SLC5A1: variants seen among roughly 807,000 people sequenced by gnomAD.
SLC5A1 encodes the protein solute carrier family 5 member 1.
A neutral mutation model predicts 73.5 loss-of-function variants in SLC5A1; 42 were observed. That is an observed-to-expected ratio of 0.57 (90% confidence interval 0.45 to 0.74). The LOEUF is 0.74. SLC5A1 is among the 30% of genes least tolerant of loss of function. SLC5A1 has a pLI of 0.00. For missense variants in SLC5A1, 634 were observed against 855.4 expected, an observed-to-expected ratio of 0.74 and a Z score of 3.23; for synonymous variants, 300 against 317.4, an observed-to-expected ratio of 0.95 and a Z score of 0.58.
intron 2 of SLC5A1, among the ~76,000 whole-genome samples, chr22:32,060,549 C>T (rs1224620123): frequency 6.6e-6 from 1 of 152,052 alleles, no homozygotes; most frequent in Non-Finnish European, 1.5e-5. Context: ...GAGAGAGCCT[C>T]TTTCACTTTT....
chr22:32,081,567 C>T (rs1226836771), intron 5 of SLC5A1, among the ~76,000 whole-genome samples: 1 of 152,146 alleles, frequency 6.6e-6, no homozygotes, highest in African/African-American at 2.4e-5. Flanking sequence ...ATAGCTGTTC[C>T]TTGGCAAAAA....
chr22:32,072,162 C>T (rs1399328493), intron 5 of SLC5A1, among the ~76,000 whole-genome samples: 1 of 151,910 alleles, frequency 6.6e-6, no homozygotes, highest in African/African-American at 2.4e-5. Flanking sequence ...ATTTTGTCAC[C>T]CAGGTAATAA....
At chr22:32,061,539 G>A (rs966427873) in intron 2 of SLC5A1, among the ~76,000 whole-genome samples, 2 of 152,222 alleles carry the variant, frequency 1.3e-5, no homozygotes, top group African/African-American at 4.8e-5. Context: ...AGGGACTAAA[G>A]TAAAAAGAAT....
At chr22:32,072,453 A>G (rs1208517908) in intron 5 of SLC5A1, among the ~76,000 whole-genome samples, 1 of 152,174 alleles carries the variant, frequency 6.6e-6, no homozygotes, top group African/African-American at 2.4e-5. Flanking sequence ...TTCTTTATTC[A>G]GTCCACCACT....
intron 2 of SLC5A1, among the ~76,000 whole-genome samples, chr22:32,064,792 G>C (rs2093969893): frequency 6.6e-6 from 1 of 152,094 alleles, no homozygotes; most frequent in Non-Finnish European, 1.5e-5. Flanking sequence ...TCTCACCTAA[G>C]CCAGGGATAG....
chr22:32,091,343 C>CA (rs2094017275), intron 10 of SLC5A1, among the ~76,000 whole-genome samples: 3 of 142,640 alleles, frequency 2.1e-5, no homozygotes, highest in Admixed American at 2.1e-4. Flanking sequence ...ACACACACAC[C>CA]CCACCACCTT....
chr22:32,099,537 G>C (rs929473502), intron 12 of SLC5A1, among the ~76,000 whole-genome samples, 186 bp downstream of exon 12: 1 of 151,276 alleles, frequency 6.6e-6, no homozygotes, highest in African/African-American at 2.4e-5. Context: ...GAGCTCCTCG[G>C]GAGTTGGTAT....
chr22:32,043,356 T>C lies in SLC5A1; in HGVS notation c.75T>C (p.Asn25=), dbSNP rs201331252. 1.2e-6 allele frequency: 2 copies of C among 1,614,036 alleles called. No homozygotes were observed. The highest frequency in any genetic ancestry group is 1.7e-6 in the Non-Finnish European group (2 of 1,180,002). Residue 25 remains asparagine (N), a synonymous_variant, in exon 1 of 15, where the codon AAT becomes AAC. Transcript: ENST00000266088. The surrounding 1 kb of genome is among the most constrained non-coding windows in gnomAD (Gnocchi z 6.5). ...TTGAGACCCACGAGCTCATTCGCAATGCAGCCGATATCTCCATCATCGTTA... is the reference window on the plus strand; with the variant it reads ...TTGAGACCCACGAGCTCATTCGCAACGCAGCCGATATCTCCATCATCGTTA... ...RPVETHELIR[N]AADISIIVIY...
intron 5 of SLC5A1, among the ~76,000 whole-genome samples, chr22:32,068,819 G>A (rs531088384): frequency 6.6e-5 from 10 of 152,078 alleles, no homozygotes; most frequent in Non-Finnish European, 1.2e-4. Context: ...AACACAAACA[G>A]GTTTGTGAAG....
chr22:32,052,511 T>A (rs1364812996), intron 2 of SLC5A1, among the ~76,000 whole-genome samples: 1 of 152,052 alleles, frequency 6.6e-6, no homozygotes, highest in African/African-American at 2.4e-5. Context: ...ACCAGGCAAC[T>A]GGACATGAGA....
rs895413017 is a variant in SLC5A1 at position 32,110,959 on chromosome 22, G to A, written c.*746G>A. 6.5e-6 allele frequency: 1 copy of A among 152,936 alleles called. No homozygotes were observed. Among genetic ancestry groups the A allele is most frequent in the African/African-American group, 2.4e-5 (1 of 41,428 alleles). 9.5% of individuals were successfully genotyped at this position (152,936 alleles called of 1,614,324 possible). ...ACTCATTTTGGCATTCACAGTGCCT[G>A]GAATGTCTTAGATTTTCAGCAATGC... On this transcript the variant is annotated 3_prime_UTR_variant, in exon 15 of 15. Transcript: ENST00000266088.
chr22:32,101,851 T>C (rs1807727), intron 12 of SLC5A1, among the ~76,000 whole-genome samples, 171 bp from the exon 13 acceptor site: 10,336 of 152,186 alleles, frequency 0.068, 486 homozygotes, highest in Non-Finnish European at 0.1. Flanking sequence ...TCTGAGTGCA[T>C]AGCACTCCTA....
intron 13 of SLC5A1, among the ~76,000 whole-genome samples, chr22:32,103,843 T>C (rs2094040602): frequency 6.6e-6 from 1 of 152,228 alleles, no homozygotes; most frequent in African/African-American, 2.4e-5. Context: ...TCTTTAACTC[T>C]AGATGCCCCC....
chr22:32,084,673 A>T lies in SLC5A1; in HGVS notation c.885+14A>T, dbSNP rs963083163. On this transcript the variant is annotated intron_variant, in intron 8 of 14. Transcript: ENST00000266088. Reference sequence around the variant, plus strand: ...TGCACAGATCAGGTACCCAAGCTGGATGTGCGGGATGGACAGAGTCTTCTC... The same window carrying T: ...TGCACAGATCAGGTACCCAAGCTGGTTGTGCGGGATGGACAGAGTCTTCTC... 4 of 1,603,962 alleles carry T rather than the reference A, an allele frequency of 2.5e-6. No homozygotes were observed. The African/African-American group carries it at 4.0e-5, about 16-fold the overall frequency.
rs201881581 is a variant in SLC5A1 at position 32,110,057 on chromosome 22, G to A, written c.1839G>A (p.Glu613=). The A allele has an allele frequency of 6.2e-7, 1 of 1,614,030 alleles. No individual in the cohort carries two copies. The highest frequency in any genetic ancestry group is 1.7e-5 in the Admixed American group (1 of 59,992). Residue 613 remains glutamate, a synonymous_variant, in exon 15 of 15, where the codon GAG becomes GAA. Coordinates refer to ENST00000266088, the MANE Select transcript of SLC5A1 (RefSeq NM_000343.4). ...CCTATGACCTATTTTGTGGGCTAGA[G>A]CAGCACGGTGCACCCAAGATGACTG... ...RRAYDLFCGL[E]QHGAPKMTEE...
Position 32,043,505 on chromosome 22 carries a change from A to C in SLC5A1, c.135+89A>C. Reference sequence around the variant, plus strand: ...CTGAGCTGCAAGGGGCAGTAGGCTTAAGTGTCGGTGGAGGGGAGAGGAAAT... The same window carrying C: ...CTGAGCTGCAAGGGGCAGTAGGCTTCAGTGTCGGTGGAGGGGAGAGGAAAT... On this transcript the variant is annotated intron_variant, in intron 1 of 14. Coordinates refer to ENST00000266088, the MANE Select transcript of SLC5A1 (RefSeq NM_000343.4). The surrounding 1 kb of genome is among the most constrained non-coding windows in gnomAD (Gnocchi z 6.5). 7.1e-7 allele frequency: 1 copy of C among 1,412,526 alleles called. No individual in the cohort carries two copies. The highest frequency in any genetic ancestry group is 9.9e-7 in the Non-Finnish European group (1 of 1,011,226). The allele number at this position is 1,412,526 out of a possible 1,614,324, so 87.5% of individuals were successfully genotyped here. A position where few individuals can be genotyped will look rare whatever the true frequency, so the allele number is the denominator to read the frequency against.
chr22:32,096,159 G>A (rs1210185109), intron 11 of SLC5A1, among the ~76,000 whole-genome samples: 1 of 152,122 alleles, frequency 6.6e-6, no homozygotes, highest in Non-Finnish European at 1.5e-5. Flanking sequence ...CATCTGAGTG[G>A]GAGCTACAAT....
At chr22:32,103,529 C>T (rs1214098468) in intron 13 of SLC5A1, among the ~76,000 whole-genome samples, 1 of 152,204 alleles carries the variant, frequency 6.6e-6, no homozygotes, top group Non-Finnish European at 1.5e-5. Flanking sequence ...GAAACCTGCT[C>T]CCCAAGTGAC....
At chr22:32,063,695 G>A (rs894339816) in intron 2 of SLC5A1, among the ~76,000 whole-genome samples, 1 of 152,146 alleles carries the variant, frequency 6.6e-6, no homozygotes, top group Non-Finnish European at 1.5e-5. Flanking sequence ...ATGGAAAGGA[G>A]AGAATAGAGA....
Sources: gnomAD v4.1 joint callset for allele counts (sites outside exome capture counted in the v4.1 genomes callset) on GRCh38, gnomAD v4.1.1 for gene constraint, Gnocchi (gnomAD v3.1) non-coding constraint, MANE v1.5 for transcripts, NCBI Gene and HGNC (gene_info 2026-07-23, HGNC 2026-07-21) for gene names.